The following ARID1B variants were observed in gnomAD, a reference collection of about 807,000 sequenced individuals.
ARID1B encodes the protein AT-rich interactive domain-containing protein 1B.
A neutral mutation model predicts 212.3 loss-of-function variants in ARID1B; 30 were observed. The observed-to-expected ratio is 0.14, with a 90% CI of 0.11 to 0.19. The LOEUF (loss-of-function observed/expected upper bound fraction) is 0.19. Among genes scored for constraint, ARID1B ranks in the 10% least tolerant of loss-of-function variants. The pLI is 1.00. For missense variants in ARID1B, 2,891 were observed against 3,204.0 expected (o/e 0.90, Z 2.36); for synonymous variants, 1,402 against 1,301.7 (o/e 1.08, Z -1.66).
intron 2 of ARID1B, among the ~76,000 whole-genome samples, chr6:156,849,189 G>A (rs1784420269): frequency 6.6e-6 from 1 of 152,090 alleles, no homozygotes; most frequent in Admixed American, 6.5e-5. Context: ...CTAAATTGTT[G>A]CCTCGATTCT....
At chr6:157,058,087 T>G (rs1783081136) in intron 4 of ARID1B, among the ~76,000 whole-genome samples, 1 of 152,152 alleles carries the variant, frequency 6.6e-6, no homozygotes, top group East Asian at 1.9e-4. Context: ...GACACCCAAC[T>G]TCCATGCACA....
chr6:157,184,293 T>C lies in ARID1B; in HGVS notation c.3777T>C (p.Ser1259=). Residue 1259 remains serine, a synonymous_variant, in exon 13 of 20, where the codon AGT becomes AGC. Transcript: ENST00000636930. ...ACCTAAACGTTGGCACCTCAAGCAG[T>C]GCAGCGAGCTCCCTGAAAAAGCAGT... ...ATNLNVGTSS[S]AASSLKKQYI... is the part of the protein sequence containing the mutation. 3 of 1,614,158 alleles carry C rather than the reference T, an allele frequency of 1.9e-6. No individual in the cohort carries two copies. Among genetic ancestry groups the C allele is most frequent in the Non-Finnish European group, 1.7e-6 (2 of 1,180,014 alleles).
intron 5 of ARID1B, among the ~76,000 whole-genome samples, chr6:157,087,406 AG>A (rs1785024706): frequency 6.6e-6 from 1 of 152,236 alleles, no homozygotes; most frequent in Admixed American, 6.5e-5. Context: ...ATAACCTTGA[AG>A]AAGCTTCTAA....
At position 156,906,601 on chromosome 6, in the gene ARID1B, G is replaced by A. The variant is rs1249652645; in HGVS notation, c.2136+5076G>A. ...GCACCAGCCACTTAGAAAAAGAAGC[G>A]GGGATGTTTGTCATTTTTGTCATCA... On this transcript the variant is annotated intron_variant, in intron 3 of 19. Coordinates refer to ENST00000636930, the MANE Select transcript of ARID1B (RefSeq NM_001374828.1). Among the ~76,000 whole-genome samples the A allele has an allele frequency of 4.8e-5, 7 of 147,150 alleles. No individual in the cohort carries two copies. The South Asian group carries it at 6.5e-4, about 14-fold the overall frequency.
intron 2 of ARID1B, among the ~76,000 whole-genome samples, chr6:156,833,869 T>G (rs568298227): frequency 6.6e-6 from 1 of 152,346 alleles, no homozygotes; most frequent in East Asian, 1.9e-4. Flanking sequence ...AAGCATTTTA[T>G]TTGGTACCCT....
intron 3 of ARID1B, among the ~76,000 whole-genome samples, chr6:156,905,250 G>GCGCGCGCGCACACACACACA (rs1554265935): frequency 7.0e-6 from 1 of 143,730 alleles, no homozygotes; most frequent in African/African-American, 2.6e-5. Context: ...ACATATGCAC[G>GCGCGCGCGCACACACACACA]CACACACACA....
At chr6:157,155,568 A>G (rs1330785887) in intron 8 of ARID1B, among the ~76,000 whole-genome samples, 1 of 152,222 alleles carries the variant, frequency 6.6e-6, no homozygotes, top group African/African-American at 2.4e-5. Flanking sequence ...TATCACAAAT[A>G]TAATTCTGTA....
At chr6:157,127,806 A>AAAAC (rs71558294) in intron 6 of ARID1B, among the ~76,000 whole-genome samples, 2 of 137,886 alleles carry the variant, frequency 1.5e-5, no homozygotes, top group African/African-American at 6.2e-5. Flanking sequence ...AAAAAAAAAA[A>AAAAC]CAAAAATTAG....
Position 157,191,322 on chromosome 6 carries a change from G to A in ARID1B, c.4231+1112G>A, listed in dbSNP as rs111536879. On this transcript the variant is annotated intron_variant, in intron 15 of 19. Coordinates refer to ENST00000636930, the MANE Select transcript of ARID1B (RefSeq NM_001374828.1). Reference sequence around the variant, plus strand: ...AGGGAGAAGCTAACCGTGACTGGGCGGGTGAAGACATTATTCCCTGCAATG... The same window carrying A: ...AGGGAGAAGCTAACCGTGACTGGGCAGGTGAAGACATTATTCCCTGCAATG... Among the ~76,000 whole-genome samples the A allele has an allele frequency of 3.9e-3, 586 of 152,140 alleles. 3 individuals carry two copies. Among genetic ancestry groups the A allele is most frequent in the African/African-American group, 0.013 (525 of 41,470 alleles).
intron 6 of ARID1B, among the ~76,000 whole-genome samples, chr6:157,126,126 G>C (rs12529385): frequency 5.3e-5 from 8 of 152,086 alleles, no homozygotes; most frequent in Non-Finnish European, 7.4e-5. Context: ...AGAACCCCGC[G>C]CAGTGACTAA....
intron 5 of ARID1B, chr6:157,107,789 A>T (rs1786601733): frequency 6.6e-6 from 1 of 151,782 alleles, no homozygotes; most frequent in Non-Finnish European, 1.5e-5. Context: ...GCCCAGCAGT[A>T]TGCGCTTTAA....
intron 2 of ARID1B, among the ~76,000 whole-genome samples, chr6:156,873,092 A>C (rs58223577): frequency 0.048 from 7,376 of 152,210 alleles, 631 homozygotes; most frequent in African/African-American, 0.16. Flanking sequence ...CCAGCCTACA[A>C]GCACGCCAGC....
At chr6:156,793,550 G>C (rs1422181087) in intron 1 of ARID1B, among the ~76,000 whole-genome samples, 1 of 152,122 alleles carries the variant, frequency 6.6e-6, no homozygotes, top group Middle Eastern at 3.2e-3. Flanking sequence ...TGCCCGGGCT[G>C]GTCTTGGACT....
intron 5 of ARID1B, among the ~76,000 whole-genome samples, chr6:157,097,627 A>C (rs149288063): frequency 2.0e-4 from 31 of 152,314 alleles, no homozygotes; most frequent in African/African-American, 7.5e-4. Flanking sequence ...ATTTGTGACA[A>C]GAGAGGGTGG....
At chr6:156,884,321 A>G (rs1787335784) in intron 2 of ARID1B, among the ~76,000 whole-genome samples, 1 of 129,630 alleles carries the variant, frequency 7.7e-6, no homozygotes, top group Non-Finnish European at 1.7e-5. Flanking sequence ...ATAATTTAAG[A>G]ATTTTTTTTT....
chr6:156,838,887 C>G (rs1240456271), intron 2 of ARID1B, among the ~76,000 whole-genome samples: 1 of 151,996 alleles, frequency 6.6e-6, no homozygotes, highest in Non-Finnish European at 1.5e-5. Flanking sequence ...AAGGGTCAGC[C>G]AACAAGGAGG....
At chr6:156,979,473 T>G (rs1490074453) in intron 4 of ARID1B, among the ~76,000 whole-genome samples, 2 of 152,194 alleles carry the variant, frequency 1.3e-5, no homozygotes, top group Non-Finnish European at 2.9e-5. Flanking sequence ...AATTACTACT[T>G]GATCTACCTG....
chr6:156,983,968 A>G (rs1441370899), intron 4 of ARID1B, among the ~76,000 whole-genome samples: 1 of 152,058 alleles, frequency 6.6e-6, no homozygotes, highest in Non-Finnish European at 1.5e-5. Context: ...ATCTACATAT[A>G]TTGTTAGCAC....
At chr6:157,152,996 A>G (rs1790315470) in intron 8 of ARID1B, among the ~76,000 whole-genome samples, 2 of 152,230 alleles carry the variant, frequency 1.3e-5, no homozygotes, top group Admixed American at 1.3e-4. Context: ...GTGTGTCTGC[A>G]ATTAGATAAA....
Sources: gnomAD v4.1 joint callset for allele counts (sites outside exome capture counted in the v4.1 genomes callset) on GRCh38, gnomAD v4.1.1 for gene constraint, MANE v1.5 for transcripts, NCBI Gene and HGNC (gene_info 2026-07-23, HGNC 2026-07-21) for gene names.